SAMMSON: variants seen among roughly 807,000 people sequenced by gnomAD.
The protein encoded by SAMMSON is survival associated mitochondrial melanoma specific oncogenic non-coding RNA, also known as long intergenic non-protein coding RNA 1212.
At chr3:70,233,504 T>C (rs1016947354) in intron 4 of SAMMSON, among the ~76,000 whole-genome samples, 1 of 152,220 alleles carries the variant, frequency 6.6e-6, no homozygotes, top group African/African-American at 2.4e-5. Flanking sequence ...ATATATTACA[T>C]ACAATAATTG....
At chr3:70,126,360 T>C (rs2067458990) in intron 4 of SAMMSON, 2 of 1,120,072 alleles carry the variant, frequency 1.8e-6, no homozygotes, top group South Asian at 2.6e-5. Flanking sequence ...TTTCAGCTGA[T>C]GGAGTCTTGT....
intron 6 of SAMMSON, among the ~76,000 whole-genome samples, chr3:70,289,085 T>A (rs948735979): frequency 5.3e-5 from 8 of 152,218 alleles, no homozygotes; most frequent in East Asian, 1.9e-4. Context: ...GTTATGTGTG[T>A]ATTTGATCCT....
intron 4 of SAMMSON, among the ~76,000 whole-genome samples, chr3:70,168,627 A>G (rs2067647432): frequency 6.6e-6 from 1 of 151,996 alleles, no homozygotes; most frequent in Non-Finnish European, 1.5e-5. Context: ...TGTTAGGCAT[A>G]GAATTGGTAG....
chr3:70,266,055 G>T (rs568971780), intron 6 of SAMMSON, among the ~76,000 whole-genome samples: 86 of 152,300 alleles, frequency 5.6e-4, no homozygotes, highest in Middle Eastern at 3.4e-3. Context: ...TCAGAAAAGA[G>T]AATGAGAAAT....
At chr3:70,359,704 A>C (rs1346202114) in intron 9 of SAMMSON, among the ~76,000 whole-genome samples, 1 of 152,170 alleles carries the variant, frequency 6.6e-6, no homozygotes, top group Non-Finnish European at 1.5e-5. Flanking sequence ...TTTATTGCTG[A>C]TAACAATTTA....
chr3:70,131,871 C>G (rs532784271), intron 4 of SAMMSON, among the ~76,000 whole-genome samples: 35 of 152,168 alleles, frequency 2.3e-4, no homozygotes, highest in Admixed American at 2.3e-3. Context: ...AGACACTATG[C>G]GTGGTCAGGA....
At chr3:70,313,737 T>C (rs1444755866) in intron 7 of SAMMSON, among the ~76,000 whole-genome samples, 2 of 152,188 alleles carry the variant, frequency 1.3e-5, no homozygotes, top group African/African-American at 2.4e-5. Flanking sequence ...CATTTCTTTA[T>C]GTACATTGCT....
chr3:70,133,570 A>G (rs6549272), intron 4 of SAMMSON, among the ~76,000 whole-genome samples: 37,012 of 152,050 alleles, frequency 0.24, 5,006 homozygotes, highest in East Asian at 0.52. Flanking sequence ...CTGGTGAGTT[A>G]GAAGCACAGG....
intron 4 of SAMMSON, among the ~76,000 whole-genome samples, chr3:70,104,058 C>T (rs929798246): frequency 1.4e-5 from 2 of 146,560 alleles, no homozygotes; most frequent in Non-Finnish European, 3.0e-5. Context: ...ACCTAAGCTT[C>T]TGTGGTAGAA....
intron 2 of SAMMSON, among the ~76,000 whole-genome samples, chr3:70,410,534 A>C (rs1244820050): frequency 6.6e-6 from 1 of 152,250 alleles, no homozygotes; most frequent in Non-Finnish European, 1.5e-5. Flanking sequence ...AAAGGGTTTC[A>C]GAAACAAACA....
intron 3 of SAMMSON, among the ~76,000 whole-genome samples, chr3:70,025,435 G>T (rs1007999963): frequency 1.3e-5 from 2 of 152,054 alleles, no homozygotes; most frequent in African/African-American, 4.8e-5. Flanking sequence ...TAGAGAAGGG[G>T]TTTCACCATG....
intron 3 of SAMMSON, among the ~76,000 whole-genome samples, chr3:70,064,379 G>A (rs571507571): frequency 6.6e-6 from 1 of 152,232 alleles, no homozygotes; most frequent in Non-Finnish European, 1.5e-5. Context: ...GCCAGAAGAT[G>A]GTGCAGTGTT....
chr3:70,278,523 G>C (rs1223275776), intron 6 of SAMMSON, among the ~76,000 whole-genome samples: 1 of 152,196 alleles, frequency 6.6e-6, no homozygotes, highest in African/African-American at 2.4e-5. Context: ...CGTCAAGACT[G>C]TATGAGAGTT....
chr3:70,293,045 C>CAAA lies in SAMMSON; in HGVS notation n.739+1826_739+1828dup, dbSNP rs55990203. ...GAACTTTGATTTCTGTGGTTTGAAG[C>CAAA]AAAAAAAAAAAAAAAAAAAAAAAAA... On this transcript the variant is annotated intron_variant and non_coding_transcript_variant, in intron 7 of 9. Coordinates refer to ENST00000642114, the Ensembl canonical transcript of SAMMSON. 1.3e-3 allele frequency among the ~76,000 whole-genome samples: 97 copies of CAAA among 74,774 alleles called. 6 individuals carry two copies. The highest frequency in any genetic ancestry group is 3.3e-3 in the African/African-American group (81 of 24,498). The allele number at this position is 74,774 out of a possible 152,430, so 49.1% of individuals were successfully genotyped here. A position where few individuals can be genotyped will look rare whatever the true frequency, so the allele number is the denominator to read the frequency against.
At chr3:70,067,228 A>T (rs961167451) in intron 3 of SAMMSON, among the ~76,000 whole-genome samples, 1 of 152,106 alleles carries the variant, frequency 6.6e-6, no homozygotes, top group Non-Finnish European at 1.5e-5. Context: ...GAAGAAAAAG[A>T]TAGATAGAAT....
At chr3:70,121,276 C>A (rs1418525654) in intron 4 of SAMMSON, among the ~76,000 whole-genome samples, 2 of 152,122 alleles carry the variant, frequency 1.3e-5, no homozygotes, top group African/African-American at 4.8e-5. Flanking sequence ...CCTAACAGGC[C>A]ACAGATCAGT....
intron 3 of SAMMSON, among the ~76,000 whole-genome samples, chr3:70,018,588 C>T (rs1394755598): frequency 6.6e-6 from 1 of 152,198 alleles, no homozygotes; most frequent in East Asian, 1.9e-4. Context: ...CCCTTCAGTT[C>T]TGCTCTGGTT....
chr3:70,037,058 G>C (rs536405344), intron 3 of SAMMSON, among the ~76,000 whole-genome samples: 2 of 152,120 alleles, frequency 1.3e-5, no homozygotes, highest in South Asian at 4.1e-4. Context: ...TAGTACAGGA[G>C]GATGTGGTAT....
intron 9 of SAMMSON, among the ~76,000 whole-genome samples, chr3:70,389,199 C>T (rs1232016050): frequency 1.3e-5 from 2 of 152,090 alleles, no homozygotes; most frequent in Non-Finnish European, 2.9e-5. Context: ...CAAAATGAAC[C>T]TCTTTCCTTT....
Sources: gnomAD v4.1 joint callset for allele counts (sites outside exome capture counted in the v4.1 genomes callset) on GRCh38, gnomAD v4.1.1 for gene constraint, MANE v1.5 for transcripts, NCBI Gene and HGNC (gene_info 2026-07-23, HGNC 2026-07-21) for gene names.